Variants in OXSR1 observed in about 807,000 individuals in gnomAD.
The protein encoded by OXSR1 is oxidative stress responsive kinase 1.
OXSR1 carries 24 observed loss-of-function variants against 79.8 expected under a neutral mutation model. The observed-to-expected ratio is 0.30, with a 90% CI of 0.22 to 0.42. The LOEUF (loss-of-function observed/expected upper bound fraction) is 0.42. Ranked by LOEUF, OXSR1 falls within the 10% of genes least tolerant of loss-of-function variation. OXSR1 has a pLI of 1.00. For missense variants in OXSR1, 430 were observed against 618.4 expected (o/e 0.70, Z 3.23); for synonymous variants, 226 against 209.2 (o/e 1.08, Z -0.69).
chr3:38,231,312 C>T (rs1702801901), intron 10 of OXSR1, among the ~76,000 whole-genome samples: 1 of 151,696 alleles, frequency 6.6e-6, no homozygotes. Flanking sequence ...TGCATCGTTA[C>T]ATATCAGAAT....
intron 7 of OXSR1, among the ~76,000 whole-genome samples, chr3:38,224,237 A>G (rs1184662496): frequency 6.6e-6 from 1 of 152,218 alleles, no homozygotes; most frequent in Non-Finnish European, 1.5e-5. Context: ...AATACCTCAT[A>G]TAAGTAGAAT....
intron 2 of OXSR1, among the ~76,000 whole-genome samples, chr3:38,186,813 T>C (rs1286412235): frequency 6.6e-6 from 1 of 152,236 alleles, no homozygotes; most frequent in Non-Finnish European, 1.5e-5. Flanking sequence ...TTTATTATCT[T>C]GAGTATATAC....
chr3:38,209,900 G>A (rs1255947001), intron 4 of OXSR1, among the ~76,000 whole-genome samples: 5 of 152,194 alleles, frequency 3.3e-5, no homozygotes, highest in African/African-American at 2.4e-5. Flanking sequence ...GGGATTACAG[G>A]CGTGAGCCAC....
chr3:38,230,391 A>T lies in OXSR1; in HGVS notation c.912A>T (p.Thr304=). ...AKNKEFLQEK[T]LQRAPTISER... ...ATAAAGAATTTCTTCAAGAAAAAAC[A>T]TTGCAGAGAGCACCAACCATTTCTG... The change falls in exon 10 of 18, where the codon ACA becomes ACT. Residue 304 remains threonine, a synonymous_variant. Coordinates refer to ENST00000311806, the MANE Select transcript of OXSR1 (RefSeq NM_005109.3). 1 of 1,601,882 alleles carries T rather than the reference A, an allele frequency of 6.2e-7. No individual in the cohort carries two copies.
intron 1 of OXSR1, among the ~76,000 whole-genome samples, chr3:38,176,881 ATTTC>A (rs974404815): frequency 1.3e-5 from 2 of 152,254 alleles, no homozygotes; most frequent in African/African-American, 4.8e-5. Context: ...AAAATCAAAC[ATTTC>A]TTTATCTACA....
intron 5 of OXSR1, among the ~76,000 whole-genome samples, chr3:38,219,796 A>ATGC (rs1358551778): frequency 1.3e-5 from 2 of 151,590 alleles, no homozygotes; most frequent in Non-Finnish European, 2.9e-5. Context: ...GATGATGATG[A>ATGC]TGATGATGAT....
In OXSR1 at chr3:38,184,744, AAGT is replaced by A. The variant is rs370995935; in HGVS notation, c.183+1635_183+1637del. 2.8e-3 allele frequency among the ~76,000 whole-genome samples: 419 copies of A among 152,158 alleles called. 1 individual carries two copies. The highest frequency in any genetic ancestry group is 4.9e-3 in the Non-Finnish European group (335 of 68,012). On this transcript the variant is annotated intron_variant, in intron 2 of 17. Coordinates refer to ENST00000311806, the MANE Select transcript of OXSR1 (RefSeq NM_005109.3). ...AACCTCACACACATCTCCATGAGCT[AAGT>A]AGTAGCTGTTTTCTAGATGAAGGAA...
chr3:38,164,900 T>C (rs1701402440), upstream of OXSR1, among the ~76,000 whole-genome samples: 2 of 152,154 alleles, frequency 1.3e-5, no homozygotes, highest in Admixed American at 1.3e-4. Context: ...CCAGTTTCAC[T>C]CCGACCAGTG....
chr3:38,235,146 A>G (rs535598941), intron 10 of OXSR1, among the ~76,000 whole-genome samples: 136 of 152,322 alleles, frequency 8.9e-4, no homozygotes, highest in African/African-American at 2.9e-3. Flanking sequence ...AGTGATAAAA[A>G]TGTTCTAAAT....
intron 14 of OXSR1, 90 bp downstream of exon 14, chr3:38,247,822 G>A: frequency 1.3e-6 from 1 of 742,544 alleles, no homozygotes; most frequent in Non-Finnish European, 2.3e-6. Flanking sequence ...AACTGGATAG[G>A]ATTGTATGTC....
At chr3:38,211,657 C>G (rs1702390548) in intron 4 of OXSR1, among the ~76,000 whole-genome samples, 1 of 152,114 alleles carries the variant, frequency 6.6e-6, no homozygotes, top group South Asian at 2.1e-4. Flanking sequence ...AGCTCCTAAC[C>G]TTATATCAGC....
intron 4 of OXSR1, among the ~76,000 whole-genome samples, chr3:38,203,415 CTT>C (rs928243094): frequency 3.3e-5 from 5 of 152,142 alleles, no homozygotes; most frequent in African/African-American, 9.7e-5. Context: ...CTCTTTATCT[CTT>C]TGTCTTGTGT....
intron 6 of OXSR1, among the ~76,000 whole-genome samples, chr3:38,223,022 TTG>T (rs1225261207): frequency 3.3e-5 from 5 of 152,236 alleles, no homozygotes; most frequent in African/African-American, 1.2e-4. Flanking sequence ...AACATTCAGT[TTG>T]TGTCTTTATT....
rs1345000765 is a variant in OXSR1, at chr3:38,253,426, A to C, written c.*535A>C. The C allele has an allele frequency of 6.5e-6, 1 of 154,280 alleles. No homozygotes were observed. Among genetic ancestry groups the C allele is most frequent in the East Asian group, 1.9e-4 (1 of 5,228 alleles). 9.6% of individuals were successfully genotyped at this position (154,280 alleles called of 1,614,324 possible). A position where few individuals can be genotyped will look rare whatever the true frequency, so the allele number is the denominator to read the frequency against. ...TTGTTAGGAAAAAGCACAGCCTCAGATGGAGGCAGCCTAAACTGTGTTCTT... is the reference window on the plus strand; with the variant it reads ...TTGTTAGGAAAAAGCACAGCCTCAGCTGGAGGCAGCCTAAACTGTGTTCTT... On this transcript the variant is annotated 3_prime_UTR_variant, in exon 18 of 18. Coordinates refer to ENST00000311806, the MANE Select transcript of OXSR1 (RefSeq NM_005109.3).
chr3:38,250,085 A>G (rs1703224860), intron 15 of OXSR1, 67 bp downstream of exon 15: 3 of 1,105,016 alleles, frequency 2.7e-6, no homozygotes, highest in Non-Finnish European at 4.1e-6. Flanking sequence ...TGTGTTGTGA[A>G]GTTTCTGTCC....
intron 3 of OXSR1, among the ~76,000 whole-genome samples, chr3:38,191,660 C>A (rs1338543812): frequency 6.6e-6 from 1 of 152,044 alleles, no homozygotes; most frequent in East Asian, 1.9e-4. Context: ...CTGGTTGAAT[C>A]TTTAATAGTG....
At position 38,205,682 on chromosome 3, in the gene OXSR1, A is replaced by G. The variant is rs553603021; in HGVS notation, c.434+6819A>G. On this transcript the variant is annotated intron_variant, in intron 4 of 17. Transcript: ENST00000311806. ...GTGTAGGTGTTGCCTACCATGTCCA[A>G]TCAAAGGAGCCTCTTTTAACTGTGG... Among the ~76,000 whole-genome samples the G allele has an allele frequency of 3.9e-5, 6 of 152,248 alleles. No homozygotes were observed. In the East Asian group the frequency reaches 9.7e-4, roughly 25 times the overall value.
intron 4 of OXSR1, among the ~76,000 whole-genome samples, chr3:38,211,102 C>T (rs1352150965): frequency 6.6e-6 from 1 of 152,196 alleles, no homozygotes; most frequent in Non-Finnish European, 1.5e-5. Flanking sequence ...GGAAAAACTG[C>T]TGTCTCTTTG....
At chr3:38,182,339 C>T (rs970951853) in intron 1 of OXSR1, among the ~76,000 whole-genome samples, 4 of 152,196 alleles carry the variant, frequency 2.6e-5, no homozygotes, top group African/African-American at 9.7e-5. Context: ...GCTACTGTTT[C>T]AGGCATAGTG....
Sources: allele counts gnomAD v4.1 joint callset (sites outside exome capture counted in the v4.1 genomes callset), GRCh38; gene constraint gnomAD v4.1.1; transcripts MANE v1.5; gene names NCBI Gene and HGNC (gene_info 2026-07-23, HGNC 2026-07-21).